The following NSD2 variants were observed in gnomAD, a reference collection of about 807,000 sequenced individuals.
NSD2 encodes the protein nuclear receptor binding SET domain protein 2, also known as histone-lysine N-methyltransferase NSD2.
In NSD2, 12 loss-of-function variants were observed where a neutral mutation model predicts 139.0. The ratio of observed to expected loss-of-function variants is 0.09; its 90% confidence interval spans 0.06 to 0.14. NSD2 has a LOEUF of 0.14. NSD2 is among the 10% of genes least tolerant of loss of function. The probability of loss-of-function intolerance (pLI) is 1.00; values close to 1 mark genes in which losing one functional copy is unlikely to be tolerated. For missense variants in NSD2, 1,155 were observed against 1,745.0 expected (o/e 0.66, Z 6.02); for synonymous variants, 669 against 648.7 (o/e 1.03, Z -0.48).
intron 9 of NSD2, chr4:1,945,224 A>G: frequency 9.4e-7 from 1 of 1,064,230 alleles, no homozygotes; most frequent in Non-Finnish European, 1.1e-6. Flanking sequence ...GGGGAACAAG[A>G]CGGGGTGGGG....
intron 10 of NSD2, among the ~76,000 whole-genome samples, chr4:1,951,575 T>C (rs1724275550): frequency 6.7e-6 from 1 of 150,318 alleles, no homozygotes; most frequent in Admixed American, 6.6e-5. Flanking sequence ...GCTTCACTGA[T>C]GACATGCACA....
intron 7 of NSD2, 115 bp downstream of exon 7, chr4:1,935,377 C>G: frequency 1.4e-6 from 1 of 736,292 alleles, no homozygotes; most frequent in Non-Finnish European, 2.3e-6. Flanking sequence ...GCACCCAGCT[C>G]CTTCCAGGCT....
intron 21 of NSD2, among the ~76,000 whole-genome samples, chr4:1,977,443 TCA>T (rs1360452804): frequency 1.3e-5 from 2 of 152,130 alleles, no homozygotes; most frequent in East Asian, 3.8e-4. Flanking sequence ...CTGTGTGGAA[TCA>T]CAGAAGAAAA....
At chr4:1,924,938 C>G (rs1425018590) in intron 5 of NSD2, among the ~76,000 whole-genome samples, 1 of 152,112 alleles carries the variant, frequency 6.6e-6, no homozygotes, top group Non-Finnish European at 1.5e-5. Context: ...GCAAAAACTA[C>G]AAAAAATTGA....
chr4:1,930,717 G>A lies in NSD2; in HGVS notation c.1502G>A (p.Arg501His), dbSNP rs1721534704. The A allele has an allele frequency of 1.9e-6, 3 of 1,613,788 alleles. No individual in the cohort carries two copies. Among genetic ancestry groups the A allele is most frequent in the Admixed American group, 1.7e-5 (1 of 59,960 alleles). ...WSLLSEKQRA[R>H]YNTKFALVAP... ...CTGCTGAGTGAGAAGCAGAGAGCAC[G>A]CTACAACACCAAGTTTGCCCTGGTG... The change falls in exon 6 of 22, where the codon CGC (arginine) becomes CAC (histidine). Residue 501 changes from arginine (R) to histidine (H), a missense_variant. Physicochemically the swap from Arg to His is conservative, Grantham distance 29 (BLOSUM62 0). Coordinates refer to ENST00000508803, the MANE Select transcript of NSD2 (RefSeq NM_001042424.3).
rs1722919782 is a variant in NSD2, at chr4:1,939,986, C to G, written c.1881+208C>G. 3.5e-6 allele frequency: 5 copies of G among 1,424,952 alleles called. No individual in the cohort carries two copies. In the South Asian group the frequency reaches 6.0e-5, roughly 17 times the overall value. 88.3% of individuals were successfully genotyped at this position (1,424,952 alleles called of 1,614,324 possible). ...AGTTTATTTGAGCACTTTTTATACACACGCACACAGTGTCTGTGTACATGT... is the reference window on the plus strand; with the variant it reads ...AGTTTATTTGAGCACTTTTTATACAGACGCACACAGTGTCTGTGTACATGT... On this transcript the variant is annotated intron_variant, in intron 9 of 21. Coordinates refer to ENST00000508803, the MANE Select transcript of NSD2 (RefSeq NM_001042424.3).
intron 18 of NSD2, among the ~76,000 whole-genome samples, chr4:1,970,441 G>A (rs1405698454): frequency 6.6e-6 from 1 of 152,194 alleles, no homozygotes; most frequent in Non-Finnish European, 1.5e-5. Context: ...GCTGCTGAGA[G>A]ATGAGCTCCA....
rs2108758879 is a variant in NSD2 at position 1,904,897 on chromosome 4, G to A, written c.760+519G>A. Among the ~76,000 whole-genome samples, 2 of 152,312 alleles carry A rather than the reference G, an allele frequency of 1.3e-5. 1 individual carries two copies. Among genetic ancestry groups the A allele is most frequent in the East Asian group, 3.9e-4 (2 of 5,188 alleles). The stretch of plus-strand genomic sequence containing the variant: ...TGTAATCCCAACACTTTGGGAGGCC[G>A]AGGTGGGTGGATCACTTGAGGTCAG... On this transcript the variant is annotated intron_variant, in intron 3 of 21. Coordinates refer to ENST00000508803, the MANE Select transcript of NSD2 (RefSeq NM_001042424.3).
At chr4:1,896,808 C>CT (rs1250435935) in intron 1 of NSD2, among the ~76,000 whole-genome samples, 1 of 145,250 alleles carries the variant, frequency 6.9e-6, no homozygotes, top group Non-Finnish European at 1.5e-5. Context: ...CTCTCTCATT[C>CT]TTTCTTTCTT....
chr4:1,873,686 C>T (rs1337998312), intron 1 of NSD2, among the ~76,000 whole-genome samples: 1 of 152,314 alleles, frequency 6.6e-6, no homozygotes, highest in African/African-American at 2.4e-5. Flanking sequence ...AGTTTACTCA[C>T]ATGGCAGAAT....
Position 1,901,262 on chromosome 4 carries a change from G to GAGT in NSD2, c.597+12_597+13insGTA, listed in dbSNP as rs1417211384. On this transcript the variant is annotated intron_variant, in intron 2 of 21. Transcript: ENST00000508803. ...CCTTCAGATAAAAAGGTATTTAGGA[G>GAGT]ACGTTGTGTAAGGGGTCATGTGACC... 1 of 1,548,934 alleles carries GAGT rather than the reference G, an allele frequency of 6.5e-7. No individual in the cohort carries two copies. Among genetic ancestry groups the GAGT allele is most frequent in the South Asian group, 1.3e-5 (1 of 78,132 alleles).
intron 1 of NSD2, among the ~76,000 whole-genome samples, chr4:1,878,252 T>TATATATATATATATATA (rs869142339): frequency 1.4e-4 from 4 of 27,596 alleles, no homozygotes; most frequent in Non-Finnish European, 1.8e-4. Flanking sequence ...TATATATATA[T>TATATATATATATATATA]TTTTTTTTTT....
Position 1,917,056 on chromosome 4 carries a change from G to T in NSD2, c.927+19G>T, listed in dbSNP as rs555592048. On this transcript the variant is annotated intron_variant, in intron 4 of 21. Coordinates refer to ENST00000508803, the MANE Select transcript of NSD2 (RefSeq NM_001042424.3). The stretch of plus-strand genomic sequence containing the variant: ...AATTAAGGTGATAGATGACCCTTCA[G>T]TCTACTTTTAGACCAGAAATTTAAT... 4 of 1,569,774 alleles carry T rather than the reference G, an allele frequency of 2.5e-6. No homozygotes were observed. In the South Asian group the frequency reaches 4.8e-5, roughly 19 times the overall value.
Position 1,974,796 on chromosome 4 carries a change from G to C in NSD2, c.3373-67G>C. On this transcript the variant is annotated intron_variant, in intron 18 of 21. Coordinates refer to ENST00000508803, the MANE Select transcript of NSD2 (RefSeq NM_001042424.3). The surrounding 1 kb of genome is among the most constrained non-coding windows in gnomAD (Gnocchi z 4.0). ...CTTGTTCAATGTGCTTTATGATGGT[G>C]AAAATTCCCTTTAAAAATAACATGC... 1 of 1,605,766 alleles carries C rather than the reference G, an allele frequency of 6.2e-7. No homozygotes were observed. The highest frequency in any genetic ancestry group is 8.5e-7 in the Non-Finnish European group (1 of 1,173,262).
intron 1 of NSD2, among the ~76,000 whole-genome samples, chr4:1,872,710 C>T (rs757224353): frequency 4.5e-4 from 68 of 151,722 alleles, no homozygotes; most frequent in Non-Finnish European, 8.8e-4. Flanking sequence ...TTCAGTGCTA[C>T]CCACCTGCTT....
rs1437007710 is a variant in NSD2, at chr4:1,880,472, TTGAG to T, written c.-30+8932_-30+8935del. Among the ~76,000 whole-genome samples the T allele has an allele frequency of 2.6e-5, 4 of 152,190 alleles. No individual in the cohort carries two copies. In the South Asian group the frequency reaches 6.2e-4, roughly 24 times the overall value. On this transcript the variant is annotated intron_variant, in intron 1 of 21. Transcript: ENST00000508803. Reference sequence around the variant, plus strand: ...CTTCTGCCTGATATTTCTTCATTCATTGAGTATCAGTTGTGTGCCAATGATGAGC... The same window carrying T: ...CTTCTGCCTGATATTTCTTCATTCATTATCAGTTGTGTGCCAATGATGAGC...
At chr4:1,906,399 T>A (rs1175156559) in intron 3 of NSD2, among the ~76,000 whole-genome samples, 1 of 151,762 alleles carries the variant, frequency 6.6e-6, no homozygotes, top group African/African-American at 2.4e-5. Context: ...CCACCACACC[T>A]GGCTAATTTT....
At chr4:1,905,150 T>G (rs1359993911) in intron 3 of NSD2, among the ~76,000 whole-genome samples, 2 of 152,118 alleles carry the variant, frequency 1.3e-5, no homozygotes, top group Admixed American at 1.3e-4. Context: ...AAAAGAATGT[T>G]ATATGTCCCT....
At position 1,958,718 on chromosome 4, in the gene NSD2, C is replaced by T. The variant is rs1480473077; in HGVS notation, c.2985+682C>T. Among the ~76,000 whole-genome samples the T allele has an allele frequency of 6.6e-6, 1 of 152,334 alleles. No individual in the cohort carries two copies. Among genetic ancestry groups the T allele is most frequent in the East Asian group, 1.9e-4 (1 of 5,176 alleles). ...GTATGTAAAGAAAGTGCTCTGTATT[C>T]ATCTTTATATAATATTTTCTTTGGG... On this transcript the variant is annotated intron_variant, in intron 16 of 21. Transcript: ENST00000508803. The surrounding 1 kb of genome is among the most constrained non-coding windows in gnomAD (Gnocchi z 4.6).
Sources: gnomAD v4.1 joint callset for allele counts (sites outside exome capture counted in the v4.1 genomes callset) on GRCh38, gnomAD v4.1.1 for gene constraint, Gnocchi (gnomAD v3.1) non-coding constraint, MANE v1.5 for transcripts, NCBI Gene and HGNC (gene_info 2026-07-23, HGNC 2026-07-21) for gene names.